SLC39A11: variants seen among roughly 807,000 people sequenced by gnomAD.
SLC39A11 encodes zinc transporter ZIP11.
SLC39A11 carries 33 observed loss-of-function variants against 36.1 expected under a neutral mutation model. The ratio of observed to expected loss-of-function variants is 0.91; its 90% CI spans 0.69 to 1.22. The LOEUF (loss-of-function observed/expected upper bound fraction) is 1.22, where lower values mean the gene tolerates loss of function less well. Among genes scored for constraint, SLC39A11 ranks in the 50% most tolerant of loss-of-function variants. SLC39A11 has a pLI of 0.00. For synonymous variants in SLC39A11, 166 were observed against 170.3 expected, an observed-to-expected ratio of 0.97 and a Z score of 0.20; for missense variants, 432 against 430.3, an observed-to-expected ratio of 1.00 and a Z score of -0.03.
At position 72,648,980 on chromosome 17, in the gene SLC39A11, C is replaced by T. The variant is rs2069719487; in HGVS notation, c.771-19G>A. The T allele has an allele frequency of 1.2e-6, 2 of 1,602,838 alleles. No individual in the cohort carries two copies. Among genetic ancestry groups the T allele is most frequent in the African/African-American group, 2.7e-5 (2 of 74,650 alleles). On this transcript the variant is annotated intron_variant, in intron 8 of 9. Coordinates refer to ENST00000255559, the MANE Select transcript of SLC39A11 (RefSeq NM_139177.4). ...CCCATACCTAAGGAGAGAACAGAGA[C>T]ATTTACCACCGCAGGGGGAGGCAAG...
At chr17:72,754,573 T>C (rs865893422) in intron 6 of SLC39A11, among the ~76,000 whole-genome samples, 7 of 145,792 alleles carry the variant, frequency 4.8e-5, no homozygotes, top group African/African-American at 1.8e-4. Flanking sequence ...GTAGGTGCTG[T>C]GGGTATTTAG....
At chr17:72,847,346 G>A (rs1056281157) in intron 6 of SLC39A11, among the ~76,000 whole-genome samples, 16 of 150,946 alleles carry the variant, frequency 1.1e-4, no homozygotes, top group African/African-American at 3.9e-4. Context: ...AGATTGAAGT[G>A]AGCTGAGACT....
chr17:72,888,056 T>C (rs1469698014), intron 5 of SLC39A11, among the ~76,000 whole-genome samples: 1 of 152,196 alleles, frequency 6.6e-6, no homozygotes, highest in African/African-American at 2.4e-5. Flanking sequence ...AAACACACAT[T>C]TTTCTGTTTT....
intron 6 of SLC39A11, among the ~76,000 whole-genome samples, chr17:72,814,249 C>A (rs1051342587): frequency 2.6e-5 from 4 of 152,210 alleles, no homozygotes; most frequent in African/African-American, 4.8e-5. Context: ...GAAAGTTCTA[C>A]AGGACAGTGT....
rs559717101 is a variant in SLC39A11 at position 73,051,209 on chromosome 17, C to G, written c.148-19495G>C. Among the ~76,000 whole-genome samples, 5 of 152,212 alleles carry G rather than the reference C, an allele frequency of 3.3e-5. 1 individual carries two copies. In the East Asian group the frequency reaches 9.7e-4, roughly 29 times the overall value. On this transcript the variant is annotated intron_variant, in intron 3 of 9. Transcript: ENST00000255559. ...TTGTGGATACATCACTCCAGTCACC[C>G]GGCCACCCTCACCTGTCTGTTTGTC...
At chr17:72,906,844 T>C (rs1175584678) in intron 5 of SLC39A11, among the ~76,000 whole-genome samples, 1 of 152,212 alleles carries the variant, frequency 6.6e-6, no homozygotes, top group Non-Finnish European at 1.5e-5. Flanking sequence ...CCTGGAAACC[T>C]GCCTTGTTAA....
chr17:72,656,263 A>T (rs1188431021), intron 7 of SLC39A11, among the ~76,000 whole-genome samples: 1 of 152,100 alleles, frequency 6.6e-6, no homozygotes, highest in Non-Finnish European at 1.5e-5. Context: ...GCACAAAGAC[A>T]CTATTACTAG....
At chr17:72,782,793 G>C (rs1356150690) in intron 6 of SLC39A11, among the ~76,000 whole-genome samples, 1 of 150,706 alleles carries the variant, frequency 6.6e-6, no homozygotes, top group Non-Finnish European at 1.5e-5. Context: ...CTGAGGTCAG[G>C]AGTTTGAGAC....
At chr17:73,048,905 A>G (rs1027934971) in intron 3 of SLC39A11, among the ~76,000 whole-genome samples, 3 of 152,200 alleles carry the variant, frequency 2.0e-5, no homozygotes, top group Non-Finnish European at 2.9e-5. Context: ...CATCCTGAAC[A>G]TGGTAGATAC....
intron 5 of SLC39A11, among the ~76,000 whole-genome samples, chr17:72,858,787 G>A (rs1296973808): frequency 6.6e-6 from 1 of 152,130 alleles, no homozygotes; most frequent in Non-Finnish European, 1.5e-5. Flanking sequence ...CTTGGCTATT[G>A]TTGGCATATA....
Position 72,702,939 on chromosome 17 carries a change from C to CAAAAAAAAA in SLC39A11, c.671+33702_671+33710dup, listed in dbSNP as rs57566412. Among the ~76,000 whole-genome samples, 17 of 86,828 alleles carry CAAAAAAAAA rather than the reference C, an allele frequency of 2.0e-4. 4 individuals carry two copies. The highest frequency in any genetic ancestry group is 2.7e-4 in the Non-Finnish European group (13 of 47,920). The allele number at this position is 86,828 out of a possible 152,430, so 57.0% of individuals were successfully genotyped here. Reference sequence around the variant, plus strand: ...GTGACAGAGTGAGACTCCATCTCACCAAAAAAAAAAAAAAATGGAAGAAAG... The same window carrying CAAAAAAAAA: ...GTGACAGAGTGAGACTCCATCTCACCAAAAAAAAAAAAAAAAAAAAAAAATGGAAGAAAG... On this transcript the variant is annotated intron_variant, in intron 7 of 9. Transcript: ENST00000255559.
At chr17:72,726,810 A>T (rs1419428298) in intron 7 of SLC39A11, among the ~76,000 whole-genome samples, 2 of 152,212 alleles carry the variant, frequency 1.3e-5, no homozygotes, top group Non-Finnish European at 2.9e-5. Flanking sequence ...TCAGAGAGGC[A>T]AACATATATC....
chr17:72,984,995 C>T (rs1478608465), intron 4 of SLC39A11, among the ~76,000 whole-genome samples: 1 of 152,188 alleles, frequency 6.6e-6, no homozygotes, highest in African/African-American at 2.4e-5. Context: ...AAAGAATTCT[C>T]CCCTCCAAAA....
At chr17:72,881,666 T>A (rs1179083827) in intron 5 of SLC39A11, among the ~76,000 whole-genome samples, 2 of 152,242 alleles carry the variant, frequency 1.3e-5, no homozygotes, top group Admixed American at 1.3e-4. Flanking sequence ...TGGAACACGT[T>A]GCAAAATACG....
chr17:73,008,154 G>T (rs1455988635), intron 4 of SLC39A11, among the ~76,000 whole-genome samples: 4 of 96,534 alleles, frequency 4.1e-5, no homozygotes, highest in Middle Eastern at 8.3e-3. Flanking sequence ...GGGGTTTGTT[G>T]TTTTTTTTTT....
At chr17:72,711,546 T>C (rs541093524) in intron 7 of SLC39A11, among the ~76,000 whole-genome samples, 2 of 152,194 alleles carry the variant, frequency 1.3e-5, no homozygotes, top group Non-Finnish European at 2.9e-5. Flanking sequence ...TTCTTATTTA[T>C]ACCATTATAA....
At chr17:72,877,905 G>T (rs1035936602) in intron 5 of SLC39A11, among the ~76,000 whole-genome samples, 97 of 151,292 alleles carry the variant, frequency 6.4e-4, no homozygotes, top group Non-Finnish European at 1.3e-3. Flanking sequence ...TGCCATGTTG[G>T]TGTGCTGCAC....
chr17:72,725,247 G>A (rs1405492906), intron 7 of SLC39A11, among the ~76,000 whole-genome samples: 1 of 152,150 alleles, frequency 6.6e-6, no homozygotes, highest in Non-Finnish European at 1.5e-5. Context: ...GCACCTCTAT[G>A]CTCCCCTGCT....
In SLC39A11 at chr17:72,927,947, C is replaced by T. The variant is rs572519847; in HGVS notation, c.430+19805G>A. Among the ~76,000 whole-genome samples the T allele has an allele frequency of 5.9e-5, 9 of 152,000 alleles. No individual in the cohort carries two copies. The South Asian group carries it at 1.9e-3, about 32-fold the overall frequency. ...TCATCCTGAGCCATATAGCACAGTCCAAAGTACATGGGTTAATAAAGGGTT... is the reference window on the plus strand; with the variant it reads ...TCATCCTGAGCCATATAGCACAGTCTAAAGTACATGGGTTAATAAAGGGTT... On this transcript the variant is annotated intron_variant, in intron 5 of 9. Coordinates refer to ENST00000255559, the MANE Select transcript of SLC39A11 (RefSeq NM_139177.4).
Sources: allele counts gnomAD v4.1 joint callset (sites outside exome capture counted in the v4.1 genomes callset), GRCh38; gene constraint gnomAD v4.1.1; transcripts MANE v1.5; gene names NCBI Gene and HGNC (gene_info 2026-07-23, HGNC 2026-07-21).